The following TMEM164 variants were observed in gnomAD, a reference collection of about 807,000 sequenced individuals.
TMEM164 encodes the protein transmembrane protein 164.
In TMEM164, 4 loss-of-function variants were observed where a neutral mutation model predicts 18.8. The ratio of observed to expected loss-of-function variants is 0.21; its 90% CI spans 0.10 to 0.49. The LOEUF is 0.49. Ranked by LOEUF, TMEM164 falls within the 20% of genes least tolerant of loss-of-function variation. The pLI is 0.98. For missense variants in TMEM164, 108 were observed against 239.9 expected (o/e 0.45, Z 3.63); for synonymous variants, 86 against 101.7 (o/e 0.85, Z 0.93).
At chrX:110,134,227 G>A (rs1343641340) in intron 4 of TMEM164, among the ~76,000 whole-genome samples, 2 of 111,330 alleles carry the variant, frequency 1.8e-5, no homozygotes, top group Non-Finnish European at 3.8e-5. Flanking sequence ...GAGGAAGTCA[G>A]GAGTAGCCCT....
intron 2 of TMEM164, chrX:110,064,962 A>T (rs1280829113): frequency 4.1e-5 from 4 of 96,968 alleles, no homozygotes; most frequent in Non-Finnish European, 8.1e-5. Flanking sequence ...GCACCACTGC[A>T]CTCCAGCCTG....
At chrX:110,021,523 A>ATGTG (rs138161390) in intron 2 of TMEM164, among the ~76,000 whole-genome samples, 1 of 110,310 alleles carries the variant, frequency 9.1e-6, no homozygotes, top group African/African-American at 3.3e-5. Context: ...GTGTGTTTGT[A>ATGTG]TGTGTGTGTG....
chrX:110,111,316 A>G (rs769668082), intron 4 of TMEM164, among the ~76,000 whole-genome samples: 2 of 112,929 alleles, frequency 1.8e-5, no homozygotes, highest in South Asian at 7.3e-4. Flanking sequence ...ATACCACAGC[A>G]TAAGTCCTTC....
chrX:110,066,656 T>C (rs1936353018), intron 2 of TMEM164, among the ~76,000 whole-genome samples: 1 of 112,293 alleles, frequency 8.9e-6, no homozygotes, highest in Non-Finnish European at 1.9e-5. Flanking sequence ...CTGCCACAGC[T>C]GCAGGTTTCC....
intron 3 of TMEM164, among the ~76,000 whole-genome samples, chrX:110,102,171 C>CAA (rs1218415300): frequency 1.3e-5 from 1 of 75,820 alleles, no homozygotes; most frequent in South Asian, 6.1e-4. Context: ...ACAAAAAATA[C>CAA]AAAAAAAAAA....
intron 3 of TMEM164, among the ~76,000 whole-genome samples, chrX:110,098,801 CTTT>C (rs759923336): frequency 1.0e-5 from 1 of 98,854 alleles, no homozygotes; most frequent in Non-Finnish European, 2.1e-5. Flanking sequence ...TTTTTTTCTT[CTTT>C]TTTTTTTTTT....
rs1185436460 is a variant in TMEM164, at chrX:110,177,584, G to A, written c.*4133G>A. 5 of 112,592 alleles carry A rather than the reference G, an allele frequency of 4.4e-5. No homozygotes were observed. The highest frequency in any genetic ancestry group is 1.6e-4 in the African/African-American group (5 of 30,922). 9.3% of individuals were successfully genotyped at this position (112,592 alleles called of 1,213,427 possible). A position where few individuals can be genotyped will look rare whatever the true frequency, so the allele number is the denominator to read the frequency against. The stretch of plus-strand genomic sequence containing the variant: ...GGGCATTTTGTAATGTGTTTTCTCT[G>A]TCTTGTAAAACCTTTTGATTGTACC... On this transcript the variant is annotated 3_prime_UTR_variant, in exon 7 of 7. Transcript: ENST00000372068.
intron 2 of TMEM164, among the ~76,000 whole-genome samples, chrX:110,033,607 T>C (rs1259421998): frequency 3.6e-5 from 4 of 111,597 alleles, no homozygotes; most frequent in Non-Finnish European, 5.6e-5. Flanking sequence ...CTTAGAAAGA[T>C]AGCTCTTTCC....
chrX:110,168,103 G>C (rs1464735488), intron 5 of TMEM164, among the ~76,000 whole-genome samples: 1 of 112,291 alleles, frequency 8.9e-6, no homozygotes, highest in Non-Finnish European at 1.9e-5. Context: ...GATGGAGGGA[G>C]GGGGCACCCG....
intron 5 of TMEM164, among the ~76,000 whole-genome samples, chrX:110,161,195 C>T (rs1260549052): frequency 3.6e-5 from 4 of 111,894 alleles, no homozygotes; most frequent in African/African-American, 9.8e-5. Context: ...CCAGTTAAAG[C>T]GGAAGTACTT....
chrX:110,171,398 A>T (rs1305069485), intron 5 of TMEM164, 22 bp from the exon 6 acceptor site: 1 of 1,143,235 alleles, frequency 8.7e-7, no homozygotes, highest in Non-Finnish European at 1.2e-6. Context: ...CTGCCATCTC[A>T]CCATCTCCCC....
intron 5 of TMEM164, among the ~76,000 whole-genome samples, chrX:110,149,980 G>T (rs1227892237): frequency 8.9e-6 from 1 of 111,788 alleles, no homozygotes; most frequent in Non-Finnish European, 1.9e-5. Context: ...GGGGTGCCCT[G>T]ATAAGCAAAA....
chrX:110,039,465 T>C (rs1314629799), intron 2 of TMEM164, among the ~76,000 whole-genome samples: 2 of 112,777 alleles, frequency 1.8e-5, no homozygotes, highest in Non-Finnish European at 3.8e-5. Flanking sequence ...CAAGGAAATC[T>C]AAAGCAATTG....
At position 110,083,545 on chromosome X, in the gene TMEM164, C is replaced by G. The variant is rs1010951275; in HGVS notation, c.440+16149C>G. ...TAGCTAGTCTCAACCATTTTTTCGT[C>G]CAAATGAACTTAGAATGTTTCTGTC... is the stretch of plus-strand genomic sequence containing the variant. On this transcript the variant is annotated intron_variant, in intron 3 of 6. Transcript: ENST00000372068. 2.7e-5 allele frequency among the ~76,000 whole-genome samples: 3 copies of G among 110,931 alleles called. No homozygotes were observed. The South Asian group carries it at 1.1e-3, about 42-fold the overall frequency.
intron 2 of TMEM164, 55 bp from the exon 3 acceptor site, chrX:110,067,292 C>T (rs1050531022): frequency 9.2e-7 from 1 of 1,089,761 alleles, no homozygotes; most frequent in Admixed American, 2.2e-5. Context: ...AACATTGTCT[C>T]ACTCTGTCTG....
chrX:110,053,227 T>C (rs1569308429), intron 2 of TMEM164, among the ~76,000 whole-genome samples: 1 of 111,765 alleles, frequency 8.9e-6, no homozygotes, highest in Non-Finnish European at 1.9e-5. Flanking sequence ...TTTGATAAAA[T>C]GTCTTGCTGA....
intron 2 of TMEM164, 142 bp from the exon 3 acceptor site, chrX:110,067,205 T>A: frequency 1.4e-5 from 7 of 495,440 alleles, no homozygotes; most frequent in Non-Finnish European, 2.1e-5. Context: ...AGCACAAACA[T>A]GTACCTGTTG....
chrX:110,031,628 C>G (rs2147755596), intron 2 of TMEM164, among the ~76,000 whole-genome samples: 1 of 111,302 alleles, frequency 9.0e-6, no homozygotes, highest in Admixed American at 9.6e-5. Flanking sequence ...CTTCCCTAGT[C>G]CTCCTTTTTA....
intron 2 of TMEM164, among the ~76,000 whole-genome samples, chrX:110,016,639 GGTT>G (rs1933387691): frequency 9.0e-6 from 1 of 110,589 alleles, no homozygotes; most frequent in South Asian, 3.8e-4. Context: ...CTTCCAGAAA[GGTT>G]GTTTTTTGTT....
Sources: gnomAD v4.1 joint callset for allele counts (sites outside exome capture counted in the v4.1 genomes callset) on GRCh38, gnomAD v4.1.1 for gene constraint, MANE v1.5 for transcripts, NCBI Gene and HGNC (gene_info 2026-07-23, HGNC 2026-07-21) for gene names.